Variants in BMERB1 observed in about 807,000 individuals in gnomAD.
The protein encoded by BMERB1 is bMERB domain containing 1, also known as bMERB domain-containing protein 1.
In BMERB1, 12 loss-of-function variants were observed where a neutral mutation model predicts 23.6. The ratio of observed to expected loss-of-function variants is 0.51; its 90% CI spans 0.33 to 0.82. The LOEUF (loss-of-function observed/expected upper bound fraction) is 0.82. BMERB1 is among the 40% of genes least tolerant of loss of function. The pLI is 0.03. For synonymous variants in BMERB1, 122 were observed against 96.6 expected (o/e 1.26, Z -1.54); for missense variants, 247 against 255.4 (o/e 0.97, Z 0.22).
At chr16:15,515,463 TG>T (rs1353933020) in intron 2 of BMERB1, 35 bp downstream of exon 2, 1 of 1,604,986 alleles carries the variant, frequency 6.2e-7, no homozygotes, top group South Asian at 1.1e-5. Flanking sequence ...AGGAAAGAAG[TG>T]TGTGGAGGAG....
intron 1 of BMERB1, among the ~76,000 whole-genome samples, chr16:15,510,298 A>G (rs2051647199): frequency 6.6e-6 from 1 of 152,170 alleles, no homozygotes; most frequent in South Asian, 2.1e-4. Flanking sequence ...GACCAGAGGC[A>G]GCTGTGAGGG....
intron 2 of BMERB1, among the ~76,000 whole-genome samples, chr16:15,515,693 G>A (rs1339589292): frequency 6.6e-6 from 1 of 152,184 alleles, no homozygotes; most frequent in Non-Finnish European, 1.5e-5. Context: ...GGGGAAGAAA[G>A]AGGGAAGGGA....
intron 1 of BMERB1, among the ~76,000 whole-genome samples, chr16:15,508,452 G>T (rs965861678): frequency 6.6e-6 from 1 of 151,652 alleles, no homozygotes; most frequent in East Asian, 1.9e-4. Flanking sequence ...TCAGTGTCCA[G>T]AACAACTCTA....
chr16:15,473,493 A>G (rs1243199264), intron 1 of BMERB1, among the ~76,000 whole-genome samples: 1 of 150,142 alleles, frequency 6.7e-6, no homozygotes, highest in Non-Finnish European at 1.5e-5. Context: ...GGGTTTCATT[A>G]TGTTGGCCAG....
At chr16:15,440,502 C>A (rs1398013241) in intron 1 of BMERB1, among the ~76,000 whole-genome samples, 2 of 152,088 alleles carry the variant, frequency 1.3e-5, no homozygotes, top group South Asian at 2.1e-4. Context: ...ATAATAGATT[C>A]TTGGGGAAAG....
intron 1 of BMERB1, among the ~76,000 whole-genome samples, chr16:15,501,537 C>T (rs185316772): frequency 2.6e-5 from 4 of 152,194 alleles, no homozygotes; most frequent in Admixed American, 6.5e-5. Context: ...TGCAGTGGCA[C>T]GATCTCGGCT....
rs142868462 is a variant in BMERB1 at position 15,552,552 on chromosome 16, G to A, written c.231-15431G>A. Reference sequence around the variant, plus strand: ...GTGCGGTCCCAGAAACTGCCAGGTAGCATCAGTGAGCAGGTGCAGGAAATC... The same window carrying A: ...GTGCGGTCCCAGAAACTGCCAGGTAACATCAGTGAGCAGGTGCAGGAAATC... On this transcript the variant is annotated intron_variant, in intron 2 of 5. Coordinates refer to ENST00000300006, the MANE Select transcript of BMERB1 (RefSeq NM_033201.3). Among the ~76,000 whole-genome samples the A allele has an allele frequency of 2.4e-3, 371 of 152,326 alleles. 3 individuals carry two copies. The highest frequency in any genetic ancestry group is 8.4e-3 in the African/African-American group (348 of 41,568).
At chr16:15,471,259 C>A (rs2051226723) in intron 1 of BMERB1, among the ~76,000 whole-genome samples, 1 of 151,934 alleles carries the variant, frequency 6.6e-6, no homozygotes, top group African/African-American at 2.4e-5. Flanking sequence ...CTATGGATGT[C>A]CAATTTGTCC....
At chr16:15,474,563 T>A (rs1198922363) in intron 1 of BMERB1, among the ~76,000 whole-genome samples, 1 of 152,070 alleles carries the variant, frequency 6.6e-6, no homozygotes, top group African/African-American at 2.4e-5. Flanking sequence ...GTGCTTTTTG[T>A]AGAGACAGGG....
chr16:15,491,434 TCAGCCTCCCAAGTAGCTGG>T (rs1466727911), intron 1 of BMERB1, among the ~76,000 whole-genome samples: 1 of 152,016 alleles, frequency 6.6e-6, no homozygotes, highest in Non-Finnish European at 1.5e-5. Context: ...GCTCACTGCC[TCAGCCTCCCAAGTAGCTGG>T]GATTACCTGC....
intron 1 of BMERB1, among the ~76,000 whole-genome samples, chr16:15,473,384 A>G (rs1278475622): frequency 6.7e-6 from 1 of 149,510 alleles, no homozygotes; most frequent in East Asian, 2.0e-4. Context: ...TCGACCTCCC[A>G]GGTTCAAGTG....
chr16:15,580,862 T>C (rs571959108), intron 3 of BMERB1, among the ~76,000 whole-genome samples: 1 of 151,780 alleles, frequency 6.6e-6, no homozygotes, highest in South Asian at 2.1e-4. Flanking sequence ...GTGCTTTTAG[T>C]GGTCACCCTC....
At chr16:15,521,267 A>T (rs1370688440) in intron 2 of BMERB1, among the ~76,000 whole-genome samples, 1 of 152,156 alleles carries the variant, frequency 6.6e-6, no homozygotes, top group Non-Finnish European at 1.5e-5. Flanking sequence ...CTGCACATAA[A>T]CTGTTTATTT....
intron 1 of BMERB1, among the ~76,000 whole-genome samples, chr16:15,507,763 T>C (rs153782): frequency 0.57 from 86,678 of 152,020 alleles, 26,944 homozygotes; most frequent in Middle Eastern, 0.74. Flanking sequence ...GTGTGTGATA[T>C]TCATTTATTC....
At chr16:15,543,122 G>A (rs1015335339) in intron 2 of BMERB1, among the ~76,000 whole-genome samples, 3 of 152,106 alleles carry the variant, frequency 2.0e-5, no homozygotes, top group Non-Finnish European at 4.4e-5. Context: ...CAGTGGAAGG[G>A]GAGCTGGAAA....
intron 2 of BMERB1, among the ~76,000 whole-genome samples, chr16:15,518,507 A>G (rs968183533): frequency 1.3e-5 from 2 of 152,184 alleles, no homozygotes; most frequent in Non-Finnish European, 2.9e-5. Flanking sequence ...AGGACACAGT[A>G]TGCTCAGATC....
Position 15,567,970 on chromosome 16 carries a change from C to T in BMERB1, c.231-13C>T. The T allele has an allele frequency of 6.2e-7, 1 of 1,609,236 alleles. No homozygotes were observed. Among genetic ancestry groups the T allele is most frequent in the Non-Finnish European group, 8.5e-7 (1 of 1,176,066 alleles). Reference sequence around the variant, plus strand: ...TGATGTAACCTGCTGTTGATGGTGTCCTGTTTCCCCAGGATGGATGACATC... The same window carrying T: ...TGATGTAACCTGCTGTTGATGGTGTTCTGTTTCCCCAGGATGGATGACATC... On this transcript the variant is annotated splice_polypyrimidine_tract_variant and intron_variant, in intron 2 of 5. Transcript: ENST00000300006.
chr16:15,560,927 T>C (rs1000626429), intron 2 of BMERB1, among the ~76,000 whole-genome samples: 4 of 151,620 alleles, frequency 2.6e-5, no homozygotes, highest in Non-Finnish European at 5.9e-5. Flanking sequence ...TCCACATCAT[T>C]TTCTCTTTCC....
intron 1 of BMERB1, among the ~76,000 whole-genome samples, chr16:15,462,917 TC>T (rs1010484536): frequency 1.3e-5 from 2 of 152,162 alleles, no homozygotes; most frequent in Non-Finnish European, 2.9e-5. Context: ...CAGCACTAGA[TC>T]CTTCAACAAT....
Sources: allele counts gnomAD v4.1 joint callset (sites outside exome capture counted in the v4.1 genomes callset), GRCh38; gene constraint gnomAD v4.1.1; transcripts MANE v1.5; gene names NCBI Gene and HGNC (gene_info 2026-07-23, HGNC 2026-07-21).